The following EIF2A variants were observed in gnomAD, a reference collection of about 807,000 sequenced individuals.
EIF2A encodes eukaryotic translation initiation factor 2A, also known as 65 kDa eukaryotic translation initiation factor 2A.
EIF2A carries 62 observed loss-of-function variants against 75.2 expected under a neutral mutation model. The observed-to-expected ratio is 0.82, with a 90% confidence interval of 0.67 to 1.02. The LOEUF is 1.02. Among genes scored for constraint, EIF2A ranks in the 50% least tolerant of loss-of-function variants. The probability of loss-of-function intolerance (pLI) is 0.00; values close to 1 mark genes in which losing one functional copy is unlikely to be tolerated. For missense variants in EIF2A, 611 were observed against 677.7 expected (o/e 0.90, Z 1.09); for synonymous variants, 207 against 239.0 (o/e 0.87, Z 1.23).
chr3:150,582,798 C>T (rs903238231), intron 12 of EIF2A, among the ~76,000 whole-genome samples: 1 of 152,120 alleles, frequency 6.6e-6, no homozygotes, highest in African/African-American at 2.4e-5. Flanking sequence ...TTCACAGCTG[C>T]ATTATGAGGT....
chr3:150,582,920 T>C (rs973148771), intron 12 of EIF2A, among the ~76,000 whole-genome samples: 4 of 152,224 alleles, frequency 2.6e-5, no homozygotes, highest in African/African-American at 9.7e-5. Flanking sequence ...CAATGGGGCA[T>C]TGAAATGTGC....
chr3:150,561,135 T>A lies in EIF2A; in HGVS notation c.174-1407T>A, dbSNP rs542255269. Among the ~76,000 whole-genome samples the A allele has an allele frequency of 3.9e-3, 585 of 151,536 alleles. 5 individuals are homozygous for A. Among genetic ancestry groups the A allele is most frequent in the African/African-American group, 0.013 (521 of 41,070 alleles). Reference sequence around the variant, plus strand: ...TAGCTTCTATTTATTTAAAAAAAATTTTTTTTTTAATTGAGATGGGATCTT... The same window carrying A: ...TAGCTTCTATTTATTTAAAAAAAATATTTTTTTTAATTGAGATGGGATCTT... On this transcript the variant is annotated intron_variant, in intron 3 of 13. Transcript: ENST00000460851.
At chr3:150,557,632 C>A in intron 2 of EIF2A, 1 of 329,830 alleles carries the variant, frequency 3.0e-6, no homozygotes, top group South Asian at 2.1e-5. Flanking sequence ...CTCCCAACCT[C>A]AGGTGATCCG....
At chr3:150,556,462 A>G (rs1723576608) in intron 2 of EIF2A, among the ~76,000 whole-genome samples, 1 of 152,212 alleles carries the variant, frequency 6.6e-6, no homozygotes, top group African/African-American at 2.4e-5. Flanking sequence ...GATATTAAGA[A>G]GTTAATTTTG....
intron 2 of EIF2A, among the ~76,000 whole-genome samples, chr3:150,556,352 G>T (rs1292524191): frequency 1.3e-5 from 2 of 152,168 alleles, no homozygotes; most frequent in East Asian, 1.9e-4. Context: ...AATTTAGTCA[G>T]TCTTTTACAT....
At chr3:150,566,998 C>T (rs1034880064) in intron 6 of EIF2A, 17 of 152,204 alleles carry the variant, frequency 1.1e-4, no homozygotes, top group African/African-American at 3.1e-4. Flanking sequence ...CTCACTGTTT[C>T]TGGGTTAGCT....
intron 1 of EIF2A, among the ~76,000 whole-genome samples, chr3:150,547,643 G>A (rs1723113990): frequency 6.6e-6 from 1 of 152,190 alleles, no homozygotes; most frequent in South Asian, 2.1e-4. Flanking sequence ...GTCATTAAGA[G>A]AAAGGTTGTC....
chr3:150,583,611 G>A (rs1217267883), intron 13 of EIF2A, among the ~76,000 whole-genome samples: 4 of 152,002 alleles, frequency 2.6e-5, no homozygotes, highest in Non-Finnish European at 5.9e-5. Flanking sequence ...GTTTAAGCCC[G>A]AATATAGAAT....
chr3:150,571,822 G>A, intron 9 of EIF2A, 136 bp from the exon 10 acceptor site: 1 of 703,872 alleles, frequency 1.4e-6, no homozygotes, highest in South Asian at 2.1e-5. Flanking sequence ...TAATGTAAGA[G>A]TATTTTAATG....
intron 2 of EIF2A, among the ~76,000 whole-genome samples, chr3:150,553,408 G>C (rs967352774): frequency 1.3e-5 from 2 of 151,886 alleles, no homozygotes; most frequent in Non-Finnish European, 2.9e-5. Context: ...GTGAAGACCT[G>C]CAAAATTCTT....
intron 11 of EIF2A, 57 bp downstream of exon 11, chr3:150,575,819 T>A (rs954551460): frequency 1.2e-5 from 17 of 1,440,214 alleles, no homozygotes; most frequent in Non-Finnish European, 1.6e-5. Context: ...CCGGGCGCAG[T>A]GGCTCACGCC....
At chr3:150,581,474 A>C (rs979705318) in intron 11 of EIF2A, 144 bp from the exon 12 acceptor site, 1 of 1,058,246 alleles carries the variant, frequency 9.4e-7, no homozygotes. Context: ...ATACTTCATG[A>C]GACCTTTAAT....
rs1219183769 is a variant in EIF2A at position 150,572,851 on chromosome 3, G to A, written c.1383+322G>A. The stretch of plus-strand genomic sequence containing the variant: ...AGCCTGAGCAACAGAGTGAGACTCC[G>A]TCTCAAAAAAAAAAAAAAAAACAAC... On this transcript the variant is annotated intron_variant, in intron 10 of 13. Transcript: ENST00000460851. Among the ~76,000 whole-genome samples, 13 of 111,624 alleles carry A rather than the reference G, an allele frequency of 1.2e-4. No individual in the cohort carries two copies. In the East Asian group the frequency reaches 3.3e-3, roughly 28 times the overall value. 73.2% of individuals were successfully genotyped at this position (111,624 alleles called of 152,430 possible).
Position 150,563,520 on chromosome 3 carries a change from A to G in EIF2A, c.298A>G (p.Lys100Glu). Residue 100 changes from lysine to glutamate, a missense_variant, in exon 5 of 14, where the codon AAA becomes GAA. Physicochemically the swap from Lys to Glu is moderately conservative, Grantham distance 56 (BLOSUM62 1). Coordinates refer to ENST00000460851, the MANE Select transcript of EIF2A (RefSeq NM_032025.5). Reference sequence around the variant, plus strand: ...AAAAAGAAATTTTATTGCAGCTTCTAAAGATGGCACAGCTGGGATACCCAA... The same window carrying G: ...AAAAAGAAATTTTATTGCAGCTTCTGAAGATGGCACAGCTGGGATACCCAA... ...LATWQPYTTS[K>E]DGTAGIPNLQ... 1 of 1,545,112 alleles carries G rather than the reference A, an allele frequency of 6.5e-7. No homozygotes were observed. The highest frequency in any genetic ancestry group is 8.7e-7 in the Non-Finnish European group (1 of 1,145,272).
intron 9 of EIF2A, among the ~76,000 whole-genome samples, chr3:150,569,458 G>C (rs561731227): frequency 2.0e-5 from 3 of 151,482 alleles, no homozygotes; most frequent in Admixed American, 2.0e-4. Flanking sequence ...CTGTAAGGTT[G>C]GTGTTGAAAA....
rs566639879 is a variant in EIF2A at position 150,563,135 on chromosome 3, C to T, written c.293-380C>T. Among the ~76,000 whole-genome samples the T allele has an allele frequency of 2.6e-4, 40 of 152,162 alleles. 1 individual carries two copies. The East Asian group carries it at 7.1e-3, about 27-fold the overall frequency. On this transcript the variant is annotated intron_variant, in intron 4 of 13. Coordinates refer to ENST00000460851, the MANE Select transcript of EIF2A (RefSeq NM_032025.5). The stretch of plus-strand genomic sequence containing the variant: ...TACATTATATGAACATTTCATATAA[C>T]TGTGTTTCATGTAATAAAATAGTTA...
Position 150,584,896 on chromosome 3 carries a change from T to G in EIF2A, c.*985T>G, listed in dbSNP as rs569798697. ...ACTTTTTTTTTTCTAATTCAAAAAA[T>G]ACAAAGGCATGCAATGAAAATTAAG... is the stretch of plus-strand genomic sequence containing the variant. On this transcript the variant is annotated 3_prime_UTR_variant, in exon 14 of 14. Transcript: ENST00000460851. Among the ~76,000 whole-genome samples the G allele has an allele frequency of 1.2e-4, 18 of 152,046 alleles. No individual in the cohort carries two copies. The South Asian group carries it at 2.5e-3, about 21-fold the overall frequency.
At chr3:150,546,923 C>T (rs559384582) in intron 1 of EIF2A, 93 bp downstream of exon 1, 1 of 1,551,854 alleles carries the variant, frequency 6.4e-7, no homozygotes, top group Non-Finnish European at 8.8e-7. Context: ...GCCGGGGAGT[C>T]TGATCTGCCT....
At chr3:150,560,068 T>G (rs1340198982) in intron 3 of EIF2A, among the ~76,000 whole-genome samples, 1 of 152,186 alleles carries the variant, frequency 6.6e-6, no homozygotes, top group African/African-American at 2.4e-5. Context: ...TTTGAAGTAT[T>G]CCTTGTTCTT....
Sources: allele counts gnomAD v4.1 joint callset (sites outside exome capture counted in the v4.1 genomes callset), GRCh38; gene constraint gnomAD v4.1.1; transcripts MANE v1.5; gene names NCBI Gene and HGNC (gene_info 2026-07-23, HGNC 2026-07-21).